PIK3C2G: variants seen among roughly 807,000 people sequenced by gnomAD.
PIK3C2G encodes phosphatidylinositol 3-kinase C2 domain-containing subunit gamma.
PIK3C2G carries 168 observed loss-of-function variants against 181.1 expected under a neutral mutation model. That is an observed-to-expected ratio of 0.93 (90% confidence interval 0.82 to 1.05). PIK3C2G has a LOEUF of 1.05. Ranked by LOEUF, PIK3C2G falls within the 50% of genes least tolerant of loss-of-function variation. The probability of loss-of-function intolerance (pLI) is 0.00; values close to 1 mark genes in which losing one functional copy is unlikely to be tolerated. For synonymous variants in PIK3C2G, 573 were observed against 592.2 expected, an observed-to-expected ratio of 0.97 and a Z score of 0.47; for missense variants, 1,869 against 1,732.8, an observed-to-expected ratio of 1.08 and a Z score of -1.40.
chr12:18,324,995 C>T, intron 7 of PIK3C2G, 40 bp from the exon 8 acceptor site: 1 of 1,044,342 alleles, frequency 9.6e-7, no homozygotes, highest in Non-Finnish European at 1.4e-6. Flanking sequence ...TAAGTTTTCC[C>T]ACCCAATTTT....
intron 26 of PIK3C2G, among the ~76,000 whole-genome samples, chr12:18,551,558 A>G (rs1442988364): frequency 6.6e-6 from 1 of 152,116 alleles, no homozygotes; most frequent in African/African-American, 2.4e-5. Context: ...GTTCTCATTT[A>G]GTAAGTATAT....
chr12:18,716,736 A>T, the PIK3C2G span, among the ~76,000 whole-genome samples: 7 of 152,146 alleles, frequency 4.6e-5, no homozygotes, highest in Non-Finnish European at 8.8e-5. Context: ...TTTCCTTCAA[A>T]TACTTCCTAT....
chr12:18,380,076 G>C (rs1042512921), intron 13 of PIK3C2G, among the ~76,000 whole-genome samples: 1 of 152,148 alleles, frequency 6.6e-6, no homozygotes, highest in African/African-American at 2.4e-5. Flanking sequence ...ATCTGAAACG[G>C]GGAGTGAGAA....
At chr12:18,674,825 T>C in the PIK3C2G span, among the ~76,000 whole-genome samples, 41 of 152,212 alleles carry the variant, frequency 2.7e-4, no homozygotes, top group South Asian at 1.7e-3. Flanking sequence ...TCAACACAGA[T>C]TGCACCCTCT....
chr12:18,338,154 C>G (rs977950830), intron 8 of PIK3C2G, among the ~76,000 whole-genome samples: 1 of 151,928 alleles, frequency 6.6e-6, no homozygotes, highest in South Asian at 2.1e-4. Flanking sequence ...CTCCTTATAC[C>G]TCTCTCTCTC....
intron 30 of PIK3C2G, among the ~76,000 whole-genome samples, chr12:18,596,961 T>C (rs912306328): frequency 3.8e-4 from 58 of 152,300 alleles, no homozygotes; most frequent in Admixed American, 9.8e-4. Flanking sequence ...TTGAAAGCTT[T>C]AACATAGTAG....
At chr12:18,379,561 T>C (rs1178562153) in intron 13 of PIK3C2G, among the ~76,000 whole-genome samples, 1 of 152,214 alleles carries the variant, frequency 6.6e-6, no homozygotes, top group African/African-American at 2.4e-5. Flanking sequence ...ACCCTGGCTC[T>C]CTTCCTAAGA....
At chr12:18,495,966 T>G in intron 20 of PIK3C2G, 96 bp from the exon 21 acceptor site, 1 of 590,116 alleles carries the variant, frequency 1.7e-6, no homozygotes, top group Non-Finnish European at 2.9e-6. Flanking sequence ...CAACAAAGTC[T>G]GCAAGGGGCT....
intron 30 of PIK3C2G, among the ~76,000 whole-genome samples, chr12:18,602,759 C>A (rs531719793): frequency 6.6e-6 from 1 of 152,094 alleles, no homozygotes; most frequent in African/African-American, 2.4e-5. Flanking sequence ...GGTGAATGAA[C>A]CCGGAAGAGA....
intron 32 of PIK3C2G, among the ~76,000 whole-genome samples, chr12:18,645,539 C>G (rs958154935): frequency 6.6e-6 from 1 of 152,108 alleles, no homozygotes; most frequent in Admixed American, 6.6e-5. Context: ...TGCTAAATAC[C>G]TGGAAGACTC....
Position 18,448,654 on chromosome 12 carries a change from C to G in PIK3C2G, c.2504+24615C>G, listed in dbSNP as rs551239017. ...ACAGTATTTTTCTTTCTGTGTCTGG[C>G]TTATTTCATGTAATGTCCTTTAAGT... On this transcript the variant is annotated intron_variant, in intron 18 of 32. Coordinates refer to ENST00000538779, the MANE Select transcript of PIK3C2G (RefSeq NM_001288772.2). Among the ~76,000 whole-genome samples the G allele has an allele frequency of 3.9e-5, 6 of 152,108 alleles. No individual in the cohort carries two copies. In the South Asian group the frequency reaches 1.2e-3, roughly 32 times the overall value.
At chr12:18,439,794 C>T (rs1387075381) in intron 18 of PIK3C2G, among the ~76,000 whole-genome samples, 1 of 152,040 alleles carries the variant, frequency 6.6e-6, no homozygotes, top group African/African-American at 2.4e-5. Flanking sequence ...TGCTTTAAAA[C>T]TAAACAATGA....
intron 11 of PIK3C2G, among the ~76,000 whole-genome samples, chr12:18,353,312 T>G (rs762350207): frequency 6.6e-6 from 1 of 151,336 alleles, no homozygotes; most frequent in African/African-American, 2.4e-5. Flanking sequence ...TCTAGGCACA[T>G]GAGGAAAAAA....
chr12:18,561,305 G>A (rs967561440), intron 26 of PIK3C2G, among the ~76,000 whole-genome samples: 2 of 152,108 alleles, frequency 1.3e-5, no homozygotes, highest in African/African-American at 2.4e-5. Context: ...TACAATCGTA[G>A]GTCAATAAAA....
intron 18 of PIK3C2G, among the ~76,000 whole-genome samples, chr12:18,451,342 C>A (rs79640877): frequency 5.3e-5 from 8 of 151,958 alleles, no homozygotes; most frequent in Non-Finnish European, 1.0e-4. Flanking sequence ...GTAGCAATTG[C>A]GAGTGGGAGT....
At chr12:18,392,820 A>C (rs1943620909) in intron 15 of PIK3C2G, among the ~76,000 whole-genome samples, 1 of 152,108 alleles carries the variant, frequency 6.6e-6, no homozygotes, top group Non-Finnish European at 1.5e-5. Flanking sequence ...TGTGTGAATA[A>C]ATAGATTATA....
the PIK3C2G span, among the ~76,000 whole-genome samples, chr12:18,698,288 C>CTATTCTATTCTAT: frequency 3.6e-5 from 2 of 54,872 alleles, no homozygotes; most frequent in Admixed American, 1.9e-4. Context: ...TTCTATTCTA[C>CTATTCTATTCTAT]TCCATTCCAT....
chr12:18,461,396 A>C (rs1181549625), intron 18 of PIK3C2G, among the ~76,000 whole-genome samples: 2 of 152,206 alleles, frequency 1.3e-5, no homozygotes, highest in Admixed American at 6.5e-5. Flanking sequence ...CATTGAGATG[A>C]ACTTCTTTGT....
At chr12:18,294,142 C>T in intron 5 of PIK3C2G, 127 bp downstream of exon 5, 1 of 559,806 alleles carries the variant, frequency 1.8e-6, no homozygotes, top group South Asian at 2.5e-5. Flanking sequence ...TCAATTTTAC[C>T]CCCTTTGCAG....
Sources: allele counts gnomAD v4.1 joint callset (sites outside exome capture counted in the v4.1 genomes callset), GRCh38; gene constraint gnomAD v4.1.1; transcripts MANE v1.5; gene names NCBI Gene and HGNC (gene_info 2026-07-23, HGNC 2026-07-21).